Variants in TPD52 observed in about 807,000 individuals in gnomAD.
The protein encoded by TPD52 is tumor protein D52.
In TPD52, 17 loss-of-function variants were observed where a neutral mutation model predicts 31.3. The observed-to-expected ratio is 0.54, with a 90% CI of 0.37 to 0.82. The LOEUF (loss-of-function observed/expected upper bound fraction) is 0.82, where lower values mean the gene tolerates loss of function less well. TPD52 is among the 40% of genes least tolerant of loss of function. The probability of loss-of-function intolerance (pLI) is 0.00; values close to 1 mark genes in which losing one functional copy is unlikely to be tolerated. For missense variants in TPD52, 212 were observed against 240.1 expected (o/e 0.88, Z 0.77); for synonymous variants, 83 against 89.6 (o/e 0.93, Z 0.42).
At chr8:80,164,121 T>C (rs1811556992) in intron 1 of TPD52, among the ~76,000 whole-genome samples, 3 of 151,986 alleles carry the variant, frequency 2.0e-5, no homozygotes, top group Non-Finnish European at 2.9e-5. Flanking sequence ...AGCATGATTT[T>C]TGTTGAATTT....
At chr8:80,054,103 G>C (rs1038136001) in intron 2 of TPD52, among the ~76,000 whole-genome samples, 5 of 152,180 alleles carry the variant, frequency 3.3e-5, no homozygotes, top group Non-Finnish European at 5.9e-5. Flanking sequence ...CCCATGGACA[G>C]CCACCCATCA....
intron 2 of TPD52, among the ~76,000 whole-genome samples, chr8:80,058,589 G>A (rs1812156189): frequency 6.6e-6 from 1 of 152,194 alleles, no homozygotes; most frequent in Non-Finnish European, 1.5e-5. Flanking sequence ...CCTGAGTTCA[G>A]GAGTTCAAGA....
chr8:80,082,054 T>G (rs1396532673), intron 1 of TPD52, among the ~76,000 whole-genome samples: 1 of 152,046 alleles, frequency 6.6e-6, no homozygotes, highest in Non-Finnish European at 1.5e-5. Context: ...GTGATCCGCC[T>G]GCCTCGGCCT....
chr8:80,078,280 A>G (rs1030782800), intron 1 of TPD52, among the ~76,000 whole-genome samples: 10 of 152,196 alleles, frequency 6.6e-5, no homozygotes, highest in Middle Eastern at 3.2e-3. Context: ...CACTCTTTTC[A>G]AATCAGTATT....
At chr8:80,125,430 A>C (rs1481501171) in intron 1 of TPD52, among the ~76,000 whole-genome samples, 3 of 152,170 alleles carry the variant, frequency 2.0e-5, no homozygotes, top group Admixed American at 2.0e-4. Flanking sequence ...AAAAACAAAC[A>C]AACAAACAAA....
chr8:80,128,977 A>C (rs1808829874), intron 1 of TPD52, among the ~76,000 whole-genome samples: 2 of 152,042 alleles, frequency 1.3e-5, no homozygotes, highest in Admixed American at 1.3e-4. Flanking sequence ...TATAAATTAC[A>C]AGATTTTTAA....
chr8:80,160,103 ATTGC>A (rs1260364332), intron 1 of TPD52, among the ~76,000 whole-genome samples: 1 of 151,922 alleles, frequency 6.6e-6, no homozygotes, highest in Non-Finnish European at 1.5e-5. Flanking sequence ...AGGTAGGAAG[ATTGC>A]TTGAGCCCAT....
intron 1 of TPD52, chr8:80,170,889 T>G: frequency 3.5e-6 from 1 of 283,308 alleles, no homozygotes; most frequent in Non-Finnish European, 6.8e-6. Flanking sequence ...CTCCACAATC[T>G]GGGGGTTTCT....
At chr8:80,168,508 G>A (rs569319253) in intron 1 of TPD52, among the ~76,000 whole-genome samples, 1 of 152,284 alleles carries the variant, frequency 6.6e-6, no homozygotes, top group Admixed American at 6.5e-5. Context: ...TTTTAAGTAT[G>A]TTGCCAAAAT....
intron 1 of TPD52, among the ~76,000 whole-genome samples, chr8:80,162,736 A>C (rs1461809357): frequency 6.6e-6 from 1 of 152,162 alleles, no homozygotes; most frequent in Non-Finnish European, 1.5e-5. Flanking sequence ...ATATATAAAA[A>C]AGTCGTACAA....
intron 1 of TPD52, among the ~76,000 whole-genome samples, chr8:80,082,104 G>A (rs1041793732): frequency 2.6e-5 from 4 of 151,124 alleles, no homozygotes; most frequent in Non-Finnish European, 4.4e-5. Context: ...CACCGTGCCC[G>A]GACTATGGTA....
intron 1 of TPD52, among the ~76,000 whole-genome samples, chr8:80,109,805 T>G (rs1807382926): frequency 6.6e-6 from 1 of 152,218 alleles, no homozygotes; most frequent in Admixed American, 6.5e-5. Context: ...CCCTATTAAC[T>G]GTTTTCAAGT....
At chr8:80,108,324 G>A (rs1365355941) in intron 1 of TPD52, among the ~76,000 whole-genome samples, 4 of 152,042 alleles carry the variant, frequency 2.6e-5, no homozygotes, top group African/African-American at 7.2e-5. Flanking sequence ...TGGAATAAAA[G>A]TTTAAAACTT....
intron 1 of TPD52, among the ~76,000 whole-genome samples, chr8:80,159,543 C>T (rs371391992): frequency 2.0e-5 from 3 of 152,290 alleles, no homozygotes; most frequent in East Asian, 3.9e-4. Context: ...GACCTGTCTG[C>T]GCCAAGCTGT....
At chr8:80,108,242 T>C (rs187012925) in intron 1 of TPD52, among the ~76,000 whole-genome samples, 9 of 152,322 alleles carry the variant, frequency 5.9e-5, no homozygotes, top group Admixed American at 1.3e-4. Context: ...GCTAACTCTG[T>C]TCAATATCTC....
At chr8:80,042,412 T>A in intron 7 of TPD52, 3 of 985,504 alleles carry the variant, frequency 3.0e-6, no homozygotes, top group Non-Finnish European at 3.6e-6. Context: ...CCTTTCAGCA[T>A]GTGGCATGCT....
chr8:80,088,072 G>T (rs1815956263), intron 1 of TPD52, among the ~76,000 whole-genome samples: 1 of 152,168 alleles, frequency 6.6e-6, no homozygotes, highest in South Asian at 2.1e-4. Context: ...CTGTCTTTGG[G>T]CATAGAGCTA....
At chr8:80,070,831 A>T (rs1025519855) in intron 1 of TPD52, among the ~76,000 whole-genome samples, 2 of 152,244 alleles carry the variant, frequency 1.3e-5, no homozygotes, top group African/African-American at 4.8e-5. Context: ...AGATGTCTTC[A>T]ATTTCCTAAC....
At chr8:80,044,331 C>G in intron 5 of TPD52, 123 bp from the exon 6 acceptor site, 1 of 745,288 alleles carries the variant, frequency 1.3e-6, no homozygotes, top group South Asian at 1.8e-5. Context: ...GAAGAATTAC[C>G]TACTTTTTGA....
Sources: gnomAD v4.1 joint callset for allele counts (sites outside exome capture counted in the v4.1 genomes callset) on GRCh38, gnomAD v4.1.1 for gene constraint, MANE v1.5 for transcripts, NCBI Gene and HGNC (gene_info 2026-07-23, HGNC 2026-07-21) for gene names.